The following LRBA variants were observed in gnomAD, a reference collection of about 807,000 sequenced individuals.
LRBA encodes lipopolysaccharide-responsive and beige-like anchor protein.
A neutral mutation model predicts 330.0 loss-of-function variants in LRBA; 176 were observed. The ratio of observed to expected loss-of-function variants is 0.53; its 90% CI spans 0.47 to 0.60. The LOEUF is 0.60. Among genes scored for constraint, LRBA ranks in the 20% least tolerant of loss-of-function variants. The probability of loss-of-function intolerance (pLI) is 0.00; values close to 1 mark genes in which losing one functional copy is unlikely to be tolerated. For missense variants in LRBA, 3,259 were observed against 3,444.8 expected (o/e 0.95, Z 1.35); for synonymous variants, 1,230 against 1,193.0 (o/e 1.03, Z -0.64).
intron 5 of LRBA, among the ~76,000 whole-genome samples, chr4:150,917,011 G>T (rs1024632124): frequency 2.0e-5 from 3 of 152,008 alleles, no homozygotes; most frequent in Admixed American, 2.0e-4. Flanking sequence ...AAATTAGCCG[G>T]GTACGGTGGT....
chr4:150,336,140 G>A (rs1349471928), intron 48 of LRBA, among the ~76,000 whole-genome samples: 2 of 152,096 alleles, frequency 1.3e-5, no homozygotes, highest in Admixed American at 1.3e-4. Context: ...GGGGGTTTGT[G>A]GTATAGATTA....
chr4:150,288,969 T>C (rs896568072), intron 53 of LRBA, among the ~76,000 whole-genome samples: 5 of 152,138 alleles, frequency 3.3e-5, no homozygotes, highest in Non-Finnish European at 7.4e-5. Flanking sequence ...ATAATGGTGG[T>C]CCCAGAGGAT....
At chr4:150,885,450 ATC>A (rs1046227858) in intron 17 of LRBA, among the ~76,000 whole-genome samples, 16 of 151,964 alleles carry the variant, frequency 1.1e-4, no homozygotes, top group Admixed American at 6.6e-4. Flanking sequence ...GTGAAACCCC[ATC>A]TCTACTAAAA....
intron 44 of LRBA, 69 bp from the exon 45 acceptor site, chr4:150,436,933 G>A: frequency 1.5e-6 from 2 of 1,357,432 alleles, no homozygotes; most frequent in Admixed American, 3.6e-5. Flanking sequence ...CCTCTCTTCT[G>A]ATGATATCCT....
intron 2 of LRBA, among the ~76,000 whole-genome samples, chr4:150,957,447 G>A (rs1300346121): frequency 1.3e-5 from 2 of 148,424 alleles, no homozygotes; most frequent in Admixed American, 6.6e-5. Flanking sequence ...ACCTCCCACT[G>A]GGTCCCTCCC....
intron 40 of LRBA, among the ~76,000 whole-genome samples, chr4:150,570,110 T>C (rs1229349948): frequency 2.6e-5 from 4 of 152,102 alleles, no homozygotes; most frequent in Admixed American, 2.6e-4. Context: ...AAAGAACAGA[T>C]GGATAATAGA....
At chr4:150,818,563 TGC>T (rs1238048461) in intron 30 of LRBA, among the ~76,000 whole-genome samples, 1,968 of 138,830 alleles carry the variant, frequency 0.014, 26 homozygotes, top group Admixed American at 0.024. Context: ...TGTGTGTGTG[TGC>T]GTGCACGAAT....
chr4:150,409,513 T>C (rs1746656169), intron 47 of LRBA, among the ~76,000 whole-genome samples: 2 of 152,184 alleles, frequency 1.3e-5, no homozygotes, highest in South Asian at 4.1e-4. Context: ...ACTTTTCCTG[T>C]ACTACTTCTC....
chr4:150,497,855 G>A (rs1042847981), intron 40 of LRBA, among the ~76,000 whole-genome samples: 1 of 151,990 alleles, frequency 6.6e-6, no homozygotes, highest in African/African-American at 2.4e-5. Flanking sequence ...AGCAAATGAT[G>A]TATCAGCTCA....
chr4:150,584,121 C>T, intron 40 of LRBA: 1 of 1,509,524 alleles, frequency 6.6e-7, no homozygotes, highest in East Asian at 2.3e-5. Flanking sequence ...GTGCTGGGGA[C>T]TGCTTGAAAA....
At position 150,852,656 on chromosome 4, in the gene LRBA, T is replaced by C. The variant is rs1241848647; in HGVS notation, c.3054A>G (p.Glu1018=). 6.2e-7 allele frequency: 1 copy of C among 1,614,098 alleles called. No individual in the cohort carries two copies. Among genetic ancestry groups the C allele is most frequent in the Non-Finnish European group, 8.5e-7 (1 of 1,179,984 alleles). The part of the protein sequence containing the change: ...ELQTTNTSYE[E]MKAEQENQEL... Reference sequence around the variant, plus strand: ...CCTGATTTTCTTGCTCAGCTTTCATTTCTTCATAAGATGTATTAGTAGTTT... The same window carrying C: ...CCTGATTTTCTTGCTCAGCTTTCATCTCTTCATAAGATGTATTAGTAGTTT... The change falls in exon 23 of 57, where the codon GAA becomes GAG. Residue 1018 remains glutamate (E), a synonymous_variant. Coordinates refer to ENST00000651943, the MANE Select transcript of LRBA (RefSeq NM_001364905.1).
chr4:150,481,378 T>C (rs1292627362), intron 42 of LRBA, among the ~76,000 whole-genome samples: 3 of 152,138 alleles, frequency 2.0e-5, no homozygotes, highest in African/African-American at 4.8e-5. Flanking sequence ...CTGGATCACA[T>C]GGGAGCACTA....
At chr4:150,916,276 A>G (rs1229944786) in intron 7 of LRBA, 125 bp downstream of exon 7, 1 of 905,456 alleles carries the variant, frequency 1.1e-6, no homozygotes, top group Non-Finnish European at 1.6e-6. Context: ...TTTACGCTTC[A>G]TCTTTTTAAA....
chr4:150,558,258 G>A (rs1262185457), intron 40 of LRBA, among the ~76,000 whole-genome samples: 1 of 152,044 alleles, frequency 6.6e-6, no homozygotes, highest in African/African-American at 2.4e-5. Context: ...CAGGTGGGGA[G>A]TAATGGTCCA....
chr4:150,920,035 C>T lies in LRBA; in HGVS notation c.645+1163G>A, dbSNP rs150799015. Among the ~76,000 whole-genome samples, 29 of 150,326 alleles carry T rather than the reference C, an allele frequency of 1.9e-4. No homozygotes were observed. In the East Asian group the frequency reaches 5.6e-3, roughly 29 times the overall value. ...ATCTAAAATCGACTGTAAGGAAAAA[C>T]TGTAAAGGAAAAAATTGGGCAATAA... On this transcript the variant is annotated intron_variant, in intron 5 of 56. Transcript: ENST00000651943.
chr4:150,832,379 T>A (rs1747336013), intron 28 of LRBA, among the ~76,000 whole-genome samples: 1 of 152,128 alleles, frequency 6.6e-6, no homozygotes, highest in African/African-American at 2.4e-5. Context: ...GCGGATCACT[T>A]GAGGTCAGGA....
At chr4:150,570,916 CTG>C (rs1769760537) in intron 40 of LRBA, among the ~76,000 whole-genome samples, 2 of 152,112 alleles carry the variant, frequency 1.3e-5, no homozygotes, top group Admixed American at 1.3e-4. Flanking sequence ...GTCAAATTGA[CTG>C]TATTAAAAAG....
At chr4:150,922,867 T>G (rs996405896) in intron 4 of LRBA, among the ~76,000 whole-genome samples, 1 of 152,190 alleles carries the variant, frequency 6.6e-6, no homozygotes, top group Non-Finnish European at 1.5e-5. Context: ...GGTATTATTA[T>G]GATTATCCGC....
At chr4:150,902,288 T>C (rs1313113365) in intron 13 of LRBA, among the ~76,000 whole-genome samples, 2 of 152,168 alleles carry the variant, frequency 1.3e-5, no homozygotes, top group African/African-American at 2.4e-5. Flanking sequence ...AGAAAAATGA[T>C]GGTTGAAATA....
Sources: allele counts gnomAD v4.1 joint callset (sites outside exome capture counted in the v4.1 genomes callset), GRCh38; gene constraint gnomAD v4.1.1; transcripts MANE v1.5; gene names NCBI Gene and HGNC (gene_info 2026-07-23, HGNC 2026-07-21).